The following NFATC2 variants were observed in gnomAD, a reference collection of about 807,000 sequenced individuals.
NFATC2 encodes nuclear factor of activated T cells 2, also known as nuclear factor of activated T-cells, cytoplasmic 2.
NFATC2 carries 22 observed loss-of-function variants against 87.3 expected under a neutral mutation model. The ratio of observed to expected loss-of-function variants is 0.25; its 90% CI spans 0.18 to 0.36. The LOEUF (loss-of-function observed/expected upper bound fraction) is 0.36, where lower values mean the gene tolerates loss of function less well. Among genes scored for constraint, NFATC2 ranks in the 10% least tolerant of loss-of-function variants. The pLI, the probability that NFATC2 is intolerant of heterozygous loss-of-function variation, is 1.00. For missense variants in NFATC2, 1,149 were observed against 1,259.1 expected (o/e 0.91, Z 1.32); for synonymous variants, 565 against 542.2 (o/e 1.04, Z -0.58).
At chr20:51,485,146 A>G (rs1215551300) in intron 3 of NFATC2, among the ~76,000 whole-genome samples, 1 of 152,218 alleles carries the variant, frequency 6.6e-6, no homozygotes, top group Non-Finnish European at 1.5e-5. Flanking sequence ...CCATGTCCAC[A>G]TTTGAAACCC....
chr20:51,495,094 AT>A (rs1684809953), intron 3 of NFATC2, among the ~76,000 whole-genome samples: 1 of 151,824 alleles, frequency 6.6e-6, no homozygotes, highest in Non-Finnish European at 1.5e-5. Flanking sequence ...ACCTCATTTT[AT>A]TTTTTTTCTA....
chr20:51,463,219 G>A (rs968126275), intron 5 of NFATC2, among the ~76,000 whole-genome samples: 3 of 152,312 alleles, frequency 2.0e-5, no homozygotes, highest in African/African-American at 4.8e-5. Context: ...GGTCTTCCCT[G>A]GGAAGTGGGA....
upstream of NFATC2, among the ~76,000 whole-genome samples, chr20:51,544,032 G>A (rs1460434607): frequency 8.3e-6 from 1 of 119,950 alleles, no homozygotes; most frequent in East Asian, 3.1e-4. Context: ...CTGTCGCCCA[G>A]GCTGGAGTGC....
intron 3 of NFATC2, among the ~76,000 whole-genome samples, chr20:51,491,248 T>C (rs1298997035): frequency 6.6e-6 from 1 of 151,680 alleles, no homozygotes; most frequent in Non-Finnish European, 1.5e-5. Context: ...GCCCTATCTC[T>C]GAGTGATTCT....
At chr20:51,396,044 A>G (rs1207370908) in intron 10 of NFATC2, among the ~76,000 whole-genome samples, 8 of 1,994 alleles carry the variant, frequency 4.0e-3, no homozygotes, top group South Asian at 0.028. Flanking sequence ...GTATGTATAT[A>G]TATATATATA....
intron 2 of NFATC2, among the ~76,000 whole-genome samples, chr20:51,520,904 C>A (rs1361115136): frequency 1.3e-5 from 2 of 152,080 alleles, no homozygotes; most frequent in African/African-American, 4.8e-5. Flanking sequence ...GGTGATCCGC[C>A]CGCCTCTGCC....
chr20:51,556,763 T>G (rs1237568401), intron 1 of NFATC2, among the ~76,000 whole-genome samples: 1 of 152,132 alleles, frequency 6.6e-6, no homozygotes, highest in Non-Finnish European at 1.5e-5. Flanking sequence ...AGCAGCAATT[T>G]TGCTGGAGCC....
intron 6 of NFATC2, among the ~76,000 whole-genome samples, chr20:51,444,545 C>G (rs1053560101): frequency 1.3e-5 from 2 of 152,054 alleles, no homozygotes. Flanking sequence ...CATGTCAGCA[C>G]TCTGGGAGAA....
chr20:51,529,969 AGTGTTTTGAGTATAGAGTTTGAC>A (rs1383826228), intron 1 of NFATC2, among the ~76,000 whole-genome samples: 1 of 152,142 alleles, frequency 6.6e-6, no homozygotes, highest in African/African-American at 2.4e-5. Context: ...CACAGATGTC[AGTGTTTTGAGTATAGAGTTTGAC>A]GAGTTTTGCC....
At chr20:51,488,826 C>G (rs986390073) in intron 3 of NFATC2, among the ~76,000 whole-genome samples, 14 of 152,330 alleles carry the variant, frequency 9.2e-5, no homozygotes, top group African/African-American at 3.1e-4. Flanking sequence ...CCAGAGGGAT[C>G]TTTTAAAAGC....
At chr20:51,562,724 C>T, upstream of NFATC2, 4 of 1,275,072 alleles carry the variant, frequency 3.1e-6, no homozygotes, top group Non-Finnish European at 4.4e-6. This position sits in a 1 kb window ranked among gnomAD's most constrained non-coding sequence, Gnocchi z 5.8. Flanking sequence ...ACCGCGTGCC[C>T]GCGGGGCTGC....
chr20:51,522,820 G>A (rs2076470292), intron 2 of NFATC2, among the ~76,000 whole-genome samples: 1 of 152,138 alleles, frequency 6.6e-6, no homozygotes, highest in Admixed American at 6.5e-5. Flanking sequence ...TGCCATATGA[G>A]CAATTACATT....
chr20:51,480,328 G>C lies in NFATC2; in HGVS notation c.1333-4668C>G, dbSNP rs1473399856. On this transcript the variant is annotated intron_variant, in intron 3 of 10. Coordinates refer to ENST00000371564, the MANE Select transcript of NFATC2 (RefSeq NM_012340.5). This position sits in a 1 kb window ranked among gnomAD's most constrained non-coding sequence, Gnocchi z 4.2. The stretch of plus-strand genomic sequence containing the variant: ...TGCTTCCTGCCGCACAGGAGAGAGA[G>C]TGGGGCAGGAAGGAGGGAGAAAAGA... Among the ~76,000 whole-genome samples the C allele has an allele frequency of 6.6e-6, 1 of 152,086 alleles. No homozygotes were observed. Among genetic ancestry groups the C allele is most frequent in the East Asian group, 1.9e-4 (1 of 5,196 alleles).
At chr20:51,429,969 C>T (rs1568963828) in intron 9 of NFATC2, among the ~76,000 whole-genome samples, 1 of 152,108 alleles carries the variant, frequency 6.6e-6, no homozygotes, top group Non-Finnish European at 1.5e-5. Flanking sequence ...CCTCAGGAGG[C>T]CCAAAAGGGT....
chr20:51,405,969 A>C (rs1454352102), intron 9 of NFATC2, among the ~76,000 whole-genome samples: 1 of 152,114 alleles, frequency 6.6e-6, no homozygotes, highest in Non-Finnish European at 1.5e-5. Flanking sequence ...TAGAGACAGG[A>C]TTTCACCATG....
chr20:51,406,563 G>A (rs1978350277), intron 9 of NFATC2, among the ~76,000 whole-genome samples: 1 of 152,218 alleles, frequency 6.6e-6, no homozygotes, highest in African/African-American at 2.4e-5. Context: ...GCTGCGCAGA[G>A]GAATGACTGG....
chr20:51,506,725 G>C (rs770427950), intron 3 of NFATC2, among the ~76,000 whole-genome samples: 4 of 140,692 alleles, frequency 2.8e-5, no homozygotes, highest in Non-Finnish European at 6.1e-5. Flanking sequence ...CTCGGCCTGC[G>C]GACGGGTTGC....
intron 3 of NFATC2, among the ~76,000 whole-genome samples, chr20:51,492,845 G>A (rs973779996): frequency 1.3e-5 from 2 of 152,264 alleles, no homozygotes; most frequent in Non-Finnish European, 1.5e-5. Context: ...AGCGCCGGCC[G>A]GGGCTGGGCC....
intron 9 of NFATC2, among the ~76,000 whole-genome samples, chr20:51,416,123 A>G (rs1282495702): frequency 1.3e-5 from 2 of 151,950 alleles, no homozygotes; most frequent in African/African-American, 2.4e-5. Context: ...TTATCCGGAC[A>G]TGGTGGCACA....
Sources: gnomAD v4.1 joint callset for allele counts (sites outside exome capture counted in the v4.1 genomes callset) on GRCh38, gnomAD v4.1.1 for gene constraint, Gnocchi (gnomAD v3.1) non-coding constraint, MANE v1.5 for transcripts, NCBI Gene and HGNC (gene_info 2026-07-23, HGNC 2026-07-21) for gene names.